The following LTBP1 variants were observed in gnomAD, a reference collection of about 807,000 sequenced individuals.
The protein encoded by LTBP1 is latent transforming growth factor beta binding protein 1.
In LTBP1, 129 loss-of-function variants were observed where a neutral mutation model predicts 207.6. The ratio of observed to expected loss-of-function variants is 0.62; its 90% CI spans 0.54 to 0.72. The LOEUF (loss-of-function observed/expected upper bound fraction) is 0.72, where lower values mean the gene tolerates loss of function less well. Ranked by LOEUF, LTBP1 falls within the 30% of genes least tolerant of loss-of-function variation. The probability of loss-of-function intolerance (pLI) is 0.00; values close to 1 mark genes in which losing one functional copy is unlikely to be tolerated. For missense variants in LTBP1, 2,281 were observed against 2,217.2 expected, an observed-to-expected ratio of 1.03 and a Z score of -0.58; for synonymous variants, 963 against 833.7, an observed-to-expected ratio of 1.16 and a Z score of -2.67.
chr2:33,354,726 A>C (rs960215210), intron 26 of LTBP1, among the ~76,000 whole-genome samples: 1 of 111,754 alleles, frequency 8.9e-6, no homozygotes, highest in African/African-American at 3.3e-5. Context: ...ACACACACAC[A>C]CACCATTGTA....
At chr2:33,321,689 C>G (rs977096171) in intron 24 of LTBP1, among the ~76,000 whole-genome samples, 8 of 152,168 alleles carry the variant, frequency 5.3e-5, no homozygotes, top group Non-Finnish European at 1.2e-4. Context: ...CTGAAGAACT[C>G]TGATGCAGTA....
chr2:32,947,880 T>C, intron 1 of LTBP1, 62 bp downstream of exon 1: 1 of 1,253,084 alleles, frequency 8.0e-7, no homozygotes, highest in Non-Finnish European at 1.0e-6. Flanking sequence ...CGGAGGGACC[T>C]GCGGGGTCAG....
Position 33,301,542 on chromosome 2 carries a change from C to T in LTBP1, c.3379C>T (p.Arg1127Cys), listed in dbSNP as rs1394644167. 8 of 1,605,326 alleles carry T rather than the reference C, an allele frequency of 5.0e-6. No individual in the cohort carries two copies. The highest frequency in any genetic ancestry group is 1.7e-5 in the Admixed American group (1 of 57,844). ...QCEDIDECQH[R>C]HLCAHGQCRN... ...CATAGACATTGATGAATGCCAGCAC[C>T]GTCATCTCTGTGCTCATGGGCAGTG... The change falls in exon 22 of 34, where the codon CGT becomes TGT. Residue 1127 changes from arginine to cysteine, a missense_variant. Coordinates refer to ENST00000404816, the MANE Select transcript of LTBP1 (RefSeq NM_206943.4).
At position 32,947,303 on chromosome 2, in the gene LTBP1, G is replaced by A; in HGVS notation, c.-22G>A. On this transcript the variant is annotated 5_prime_UTR_variant, in exon 1 of 34. Coordinates refer to ENST00000404816, the MANE Select transcript of LTBP1 (RefSeq NM_206943.4). ...GAGGGGGCCGGACCGCGCGCGACCG[G>A]TCGCGCCCGCTGGGGCCCGCGATGG... 8.2e-7 allele frequency: 1 copy of A among 1,222,678 alleles called. No homozygotes were observed. The highest frequency in any genetic ancestry group is 1.0e-6 in the Non-Finnish European group (1 of 981,964). 75.7% of individuals were successfully genotyped at this position (1,222,678 alleles called of 1,614,324 possible).
intron 5 of LTBP1, among the ~76,000 whole-genome samples, chr2:33,139,093 C>G (rs540928603): frequency 1.1e-4 from 17 of 151,930 alleles, no homozygotes; most frequent in African/African-American, 3.1e-4. Context: ...CTCCTGACCT[C>G]GTGATCCGCC....
At position 33,217,647 on chromosome 2, in the gene LTBP1, G is replaced by C; in HGVS notation, c.1797G>C (p.Lys599Asn). 1 of 1,611,990 alleles carries C rather than the reference G, an allele frequency of 6.2e-7. No individual in the cohort carries two copies. ...TTAACAAATGCCAGAAATGCCCCAA[G>C]AAACCATGTAAGTAATGTTTCCTCA... ...WGFNKCQKCP[K>N]KPSYHGYNQM... is the part of the protein sequence containing the mutation. The change falls in exon 8 of 34, where the codon AAG (lysine) becomes AAC (asparagine). Residue 599 changes from lysine (K) to asparagine (N), a missense_variant. This residue lies in a region of LTBP1 where 1,671 missense variants were observed against 1,634.8 expected (regional missense o/e 1.02). Coordinates refer to ENST00000404816, the MANE Select transcript of LTBP1 (RefSeq NM_206943.4).
chr2:33,240,950 A>G (rs1363843884), intron 9 of LTBP1, among the ~76,000 whole-genome samples: 1 of 152,164 alleles, frequency 6.6e-6, no homozygotes, highest in Non-Finnish European at 1.5e-5. Context: ...GCGCCCGGCC[A>G]GAAACGTTCT....
intron 11 of LTBP1, among the ~76,000 whole-genome samples, chr2:33,256,895 GT>G (rs2092876729): frequency 6.7e-6 from 1 of 149,690 alleles, no homozygotes; most frequent in South Asian, 2.1e-4. Context: ...TTATGTAAGG[GT>G]CTTGAGCATT....
intron 3 of LTBP1, among the ~76,000 whole-genome samples, chr2:33,046,887 T>C (rs1344234990): frequency 1.3e-5 from 2 of 152,196 alleles, no homozygotes; most frequent in Non-Finnish European, 2.9e-5. Context: ...GATTTTCTAG[T>C]TTATTTGCAT....
At chr2:33,233,567 A>G (rs1053975568) in intron 9 of LTBP1, among the ~76,000 whole-genome samples, 2 of 152,104 alleles carry the variant, frequency 1.3e-5, no homozygotes, top group African/African-American at 4.8e-5. Context: ...AATTGGGTTG[A>G]TAAGCTCACT....
chr2:33,244,747 G>A (rs2092452146), intron 10 of LTBP1, among the ~76,000 whole-genome samples: 2 of 152,146 alleles, frequency 1.3e-5, no homozygotes, highest in Non-Finnish European at 2.9e-5. Context: ...GGGCCTTGTA[G>A]CACTGCAGAT....
At chr2:33,372,626 C>T (rs2095083375) in intron 31 of LTBP1, among the ~76,000 whole-genome samples, 1 of 152,192 alleles carries the variant, frequency 6.6e-6, no homozygotes, top group Non-Finnish European at 1.5e-5. Flanking sequence ...GTAATCCCAG[C>T]ACTTTGGGAG....
intron 15 of LTBP1, among the ~76,000 whole-genome samples, chr2:33,270,673 C>G (rs1046204954): frequency 6.6e-6 from 1 of 150,416 alleles, no homozygotes; most frequent in African/African-American, 2.4e-5. Flanking sequence ...ATGACAGTTA[C>G]ATTAATTAAT....
intron 20 of LTBP1, among the ~76,000 whole-genome samples, chr2:33,296,692 T>G (rs1421256125): frequency 1.3e-5 from 2 of 152,110 alleles, no homozygotes; most frequent in African/African-American, 4.8e-5. Flanking sequence ...ATATCCAAGA[T>G]TATAATATAT....
chr2:33,333,366 A>G (rs896936380), intron 24 of LTBP1, among the ~76,000 whole-genome samples: 1 of 152,128 alleles, frequency 6.6e-6, no homozygotes, highest in Non-Finnish European at 1.5e-5. Context: ...CTTTTTGGCA[A>G]TGGGGTTAGA....
intron 3 of LTBP1, among the ~76,000 whole-genome samples, chr2:33,032,010 TGAGAG>T (rs1313797994): frequency 1.3e-5 from 2 of 152,150 alleles, no homozygotes; most frequent in African/African-American, 2.4e-5. Context: ...CACAGGGACT[TGAGAG>T]GAGAGGGATC....
chr2:33,237,849 G>A (rs1417166365), intron 9 of LTBP1, among the ~76,000 whole-genome samples: 1 of 152,164 alleles, frequency 6.6e-6, no homozygotes, highest in African/African-American at 2.4e-5. Flanking sequence ...AGGCCCTGAG[G>A]AAAGGGGAAG....
chr2:33,365,621 C>A (rs1191202182), intron 31 of LTBP1, 118 bp downstream of exon 31: 2 of 919,832 alleles, frequency 2.2e-6, no homozygotes, highest in Admixed American at 2.5e-5. Context: ...ATCTTACTTT[C>A]ATCCCGTGTG....
At chr2:33,368,295 A>G (rs1241674637) in intron 31 of LTBP1, among the ~76,000 whole-genome samples, 1 of 152,242 alleles carries the variant, frequency 6.6e-6, no homozygotes, top group Admixed American at 6.5e-5. Context: ...AACTAAAAAT[A>G]GAACTACCCG....
Sources: gnomAD v4.1 joint callset for allele counts (sites outside exome capture counted in the v4.1 genomes callset) on GRCh38, gnomAD v4.1.1 for gene constraint, gnomAD v4.1.1 regional missense constraint, MANE v1.5 for transcripts, NCBI Gene and HGNC (gene_info 2026-07-23, HGNC 2026-07-21) for gene names.